PDE4D: variants seen among roughly 807,000 people sequenced by gnomAD.
PDE4D encodes the protein 3',5'-cyclic-AMP phosphodiesterase 4D.
A neutral mutation model predicts 87.4 loss-of-function variants in PDE4D; 24 were observed. The observed-to-expected ratio is 0.27, with a 90% confidence interval of 0.20 to 0.39. PDE4D has a LOEUF of 0.39. Ranked by LOEUF, PDE4D falls within the 10% of genes least tolerant of loss-of-function variation. The probability of loss-of-function intolerance (pLI) is 1.00; values close to 1 mark genes in which losing one functional copy is unlikely to be tolerated. For missense variants in PDE4D, 714 were observed against 1,041.0 expected (o/e 0.69, Z 4.32); for synonymous variants, 384 against 383.2 (o/e 1.00, Z -0.02).
chr5:58,992,444 A>G (rs1748134419), intron 7 of PDE4D, among the ~76,000 whole-genome samples: 1 of 152,174 alleles, frequency 6.6e-6, no homozygotes, highest in African/African-American at 2.4e-5. Context: ...CTTTATACGC[A>G]AATGTCATGA....
At chr5:59,945,287 T>C (rs568795279) in intron 3 of PDE4D, among the ~76,000 whole-genome samples, 7 of 152,232 alleles carry the variant, frequency 4.6e-5, no homozygotes, top group Non-Finnish European at 8.8e-5. Flanking sequence ...CATTTACTGT[T>C]GACTAAAACA....
chr5:59,252,804 G>A (rs1760229775), intron 1 of PDE4D, among the ~76,000 whole-genome samples: 1 of 152,094 alleles, frequency 6.6e-6, no homozygotes, highest in Non-Finnish European at 1.5e-5. Flanking sequence ...TAGGATTATA[G>A]GTGTGAGCTA....
intron 1 of PDE4D, among the ~76,000 whole-genome samples, chr5:59,282,518 C>G (rs1276180050): frequency 5.9e-5 from 9 of 151,524 alleles, no homozygotes; most frequent in Non-Finnish European, 1.3e-4. Context: ...TGGCGAGCAC[C>G]TGTAATCCCA....
intron 1 of PDE4D, among the ~76,000 whole-genome samples, chr5:60,291,979 T>G (rs1381484803): frequency 6.6e-6 from 1 of 152,136 alleles, no homozygotes; most frequent in Non-Finnish European, 1.5e-5. Flanking sequence ...TAGAGACACA[T>G]TATACAGACT....
intron 1 of PDE4D, among the ~76,000 whole-genome samples, chr5:59,721,275 T>G (rs1755790422): frequency 1.3e-5 from 2 of 152,188 alleles, no homozygotes; most frequent in Non-Finnish European, 2.9e-5. Flanking sequence ...TTCTCTTCTA[T>G]TGTCAACCCT....
intron 2 of PDE4D, among the ~76,000 whole-genome samples, chr5:60,024,155 A>G (rs1350278200): frequency 1.3e-5 from 2 of 152,198 alleles, no homozygotes; most frequent in African/African-American, 4.8e-5. Flanking sequence ...TAATTCAACT[A>G]TAAGTGAGAG....
At chr5:59,296,325 G>C (rs2032643029) in intron 1 of PDE4D, among the ~76,000 whole-genome samples, 1 of 151,978 alleles carries the variant, frequency 6.6e-6, no homozygotes, top group Admixed American at 6.6e-5. Flanking sequence ...AAACATTTCA[G>C]GCCTTCAGGC....
At position 59,658,253 on chromosome 5, in the gene PDE4D, A is replaced by C. The variant is rs549865877; in HGVS notation, c.455+234915T>G. 9.2e-5 allele frequency among the ~76,000 whole-genome samples: 14 copies of C among 152,298 alleles called. No homozygotes were observed. The South Asian group carries it at 1.7e-3, about 18-fold the overall frequency. On this transcript the variant is annotated intron_variant, in intron 1 of 14. Transcript: ENST00000340635. ...TCTGCAACTTATAGATTAAAAAAAA[A>C]CCATGAATCTCTGAGTATATTATTT...
intron 1 of PDE4D, among the ~76,000 whole-genome samples, chr5:59,793,962 C>T (rs77528560): frequency 0.025 from 3,805 of 152,202 alleles, 133 homozygotes; most frequent in African/African-American, 0.076. Context: ...GCTCCTGTGG[C>T]GTGCAGGACG....
chr5:59,964,320 C>A (rs1019294896), intron 3 of PDE4D, among the ~76,000 whole-genome samples: 3 of 152,126 alleles, frequency 2.0e-5, no homozygotes, highest in African/African-American at 7.2e-5. Flanking sequence ...TTAAAAAAAT[C>A]AGAAGCAACC....
At chr5:59,280,278 C>T (rs1056273302) in intron 1 of PDE4D, among the ~76,000 whole-genome samples, 6 of 152,140 alleles carry the variant, frequency 3.9e-5, no homozygotes, top group South Asian at 2.1e-4. Context: ...GGTAACAATA[C>T]GTGAGACCTC....
chr5:60,074,532 C>G (rs1361448952), intron 2 of PDE4D, among the ~76,000 whole-genome samples: 1 of 152,058 alleles, frequency 6.6e-6, no homozygotes, highest in Non-Finnish European at 1.5e-5. Context: ...TCCATTTGGT[C>G]CAGTGTTGAG....
chr5:59,237,859 G>C (rs1179667273), intron 1 of PDE4D, among the ~76,000 whole-genome samples: 7 of 151,846 alleles, frequency 4.6e-5, no homozygotes, highest in Admixed American at 4.6e-4. Flanking sequence ...GTCCTCACCA[G>C]TGTGTGCACA....
intron 2 of PDE4D, among the ~76,000 whole-genome samples, chr5:60,161,368 C>T (rs557958910): frequency 1.3e-5 from 2 of 152,238 alleles, no homozygotes; most frequent in African/African-American, 2.4e-5. Flanking sequence ...TTCTTCCTCA[C>T]CATCCAGAAT....
chr5:59,186,502 G>A (rs1367364939), intron 3 of PDE4D, among the ~76,000 whole-genome samples: 2 of 152,190 alleles, frequency 1.3e-5, no homozygotes, highest in Non-Finnish European at 2.9e-5. Context: ...AGTCTCCAAA[G>A]TTTTAATTGC....
intron 1 of PDE4D, among the ~76,000 whole-genome samples, chr5:59,601,061 C>A (rs1827435656): frequency 6.6e-6 from 1 of 152,078 alleles, no homozygotes; most frequent in African/African-American, 2.4e-5. Context: ...TAGCAAGGAC[C>A]CATTTTACTG....
At chr5:59,660,258 C>T (rs916952940) in intron 1 of PDE4D, among the ~76,000 whole-genome samples, 6 of 151,994 alleles carry the variant, frequency 3.9e-5, no homozygotes, top group African/African-American at 1.4e-4. Flanking sequence ...CTTGGTAATA[C>T]ATATTTCTTC....
chr5:59,791,012 AG>A (rs928434515), intron 1 of PDE4D, among the ~76,000 whole-genome samples: 2 of 152,170 alleles, frequency 1.3e-5, no homozygotes, highest in African/African-American at 2.4e-5. Context: ...TCTCTTCCTA[AG>A]AAAGAGAATG....
At chr5:59,962,573 A>G (rs574710896) in intron 3 of PDE4D, among the ~76,000 whole-genome samples, 115 of 152,270 alleles carry the variant, frequency 7.6e-4, no homozygotes, top group Non-Finnish European at 1.4e-3. Flanking sequence ...AAGAATGTAT[A>G]TGACATTACA....
Sources: gnomAD v4.1 joint callset for allele counts (sites outside exome capture counted in the v4.1 genomes callset) on GRCh38, gnomAD v4.1.1 for gene constraint, MANE v1.5 for transcripts, NCBI Gene and HGNC (gene_info 2026-07-23, HGNC 2026-07-21) for gene names.